The following ARHGAP28 variants were observed in gnomAD, a reference collection of about 807,000 sequenced individuals.
The protein encoded by ARHGAP28 is rho GTPase-activating protein 28.
ARHGAP28 carries 56 observed loss-of-function variants against 90.7 expected under a neutral mutation model. The ratio of observed to expected loss-of-function variants is 0.62; its 90% CI spans 0.50 to 0.77. The LOEUF (loss-of-function observed/expected upper bound fraction) is 0.77, where lower values mean the gene tolerates loss of function less well. Among genes scored for constraint, ARHGAP28 ranks in the 30% least tolerant of loss-of-function variants. The pLI is 0.00. For synonymous variants in ARHGAP28, 308 were observed against 323.3 expected (o/e 0.95, Z 0.51); for missense variants, 869 against 900.9 (o/e 0.96, Z 0.45).
chr18:6,776,283 T>C (rs765453869), intron 1 of ARHGAP28, among the ~76,000 whole-genome samples: 2 of 152,228 alleles, frequency 1.3e-5, no homozygotes, highest in Admixed American at 6.5e-5. Context: ...AGTGCAGGAA[T>C]GTGTTTTAAT....
intron 3 of ARHGAP28, among the ~76,000 whole-genome samples, chr18:6,848,579 A>G (rs1050552215): frequency 6.6e-6 from 1 of 152,238 alleles, no homozygotes; most frequent in Non-Finnish European, 1.5e-5. Context: ...ATTCACAGTT[A>G]TCAGGTAAGG....
Position 6,868,091 on chromosome 18 carries a change from T to C in ARHGAP28, c.727-59T>C, listed in dbSNP as rs1344489456. 6 of 1,378,070 alleles carry C rather than the reference T, an allele frequency of 4.4e-6. 1 individual carries two copies. Among genetic ancestry groups the C allele is most frequent in the Non-Finnish European group, 6.2e-6 (6 of 967,928 alleles). 85.4% of individuals were successfully genotyped at this position (1,378,070 alleles called of 1,614,324 possible). A position where few individuals can be genotyped will look rare whatever the true frequency, so the allele number is the denominator to read the frequency against. On this transcript the variant is annotated intron_variant, in intron 5 of 17. Coordinates refer to ENST00000383472, the MANE Select transcript of ARHGAP28 (RefSeq NM_001366230.1). ...CTGCAGAACATAAGTCAGGCTGAAA[T>C]GTGAGGTGGACTGTATTTATGGTAA...
At chr18:6,749,497 G>A (rs117149178) in intron 1 of ARHGAP28, among the ~76,000 whole-genome samples, 3,968 of 152,224 alleles carry the variant, frequency 0.026, 88 homozygotes, top group Non-Finnish European at 0.036. Context: ...AATGAAGAAG[G>A]TGAGATGTTA....
In ARHGAP28 at chr18:6,811,910, C is replaced by T. The variant is rs569795451; in HGVS notation, c.123-12852C>T. Among the ~76,000 whole-genome samples the T allele has an allele frequency of 2.0e-5, 3 of 152,216 alleles. No homozygotes were observed. In the South Asian group the frequency reaches 6.2e-4, roughly 32 times the overall value. On this transcript the variant is annotated intron_variant, in intron 1 of 17. Coordinates refer to ENST00000383472, the MANE Select transcript of ARHGAP28 (RefSeq NM_001366230.1). Reference sequence around the variant, plus strand: ...CAATTAATAAAACTTTTTTTCTCAACTATATGATTCCAAAAGTTTGGCTGG... The same window carrying T: ...CAATTAATAAAACTTTTTTTCTCAATTATATGATTCCAAAAGTTTGGCTGG...
chr18:6,882,003 A>AT (rs1193124328), intron 10 of ARHGAP28, 134 bp from the exon 11 acceptor site: 2 of 729,720 alleles, frequency 2.7e-6, no homozygotes, highest in Non-Finnish European at 4.2e-6. Context: ...ATGTTGAAAA[A>AT]AAATTACTCT....
In ARHGAP28 at chr18:6,877,452, C is replaced by G. The variant is rs150788330; in HGVS notation, c.1290+1244C>G. Among the ~76,000 whole-genome samples the G allele has an allele frequency of 3.6e-3, 544 of 152,320 alleles. 5 individuals carry two copies. The highest frequency in any genetic ancestry group is 0.012 in the African/African-American group (507 of 41,586). ...TACCCATGCCTCACCCCGTCGTGGGCTGGGGCTTCCTGCAGAAAATATGGC... is the reference window on the plus strand; with the variant it reads ...TACCCATGCCTCACCCCGTCGTGGGGTGGGGCTTCCTGCAGAAAATATGGC... On this transcript the variant is annotated intron_variant, in intron 10 of 17. Transcript: ENST00000383472.
intron 14 of ARHGAP28, among the ~76,000 whole-genome samples, chr18:6,893,860 C>T (rs1390888800): frequency 1.6e-5 from 2 of 122,944 alleles, no homozygotes; most frequent in African/African-American, 3.0e-5. Context: ...TACTATATTG[C>T]TTTTTGGTTT....
chr18:6,838,880 A>G (rs1327798248), intron 3 of ARHGAP28, among the ~76,000 whole-genome samples: 1 of 152,226 alleles, frequency 6.6e-6, no homozygotes, highest in East Asian at 1.9e-4. Context: ...GACATTAGCT[A>G]CAGGTGTCCT....
intron 1 of ARHGAP28, among the ~76,000 whole-genome samples, chr18:6,779,413 C>T (rs984247976): frequency 6.6e-6 from 1 of 152,208 alleles, no homozygotes; most frequent in Non-Finnish European, 1.5e-5. Flanking sequence ...GAACTGCATA[C>T]ATTTATCACA....
intron 2 of ARHGAP28, 89 bp downstream of exon 2, chr18:6,825,053 C>A: frequency 8.5e-7 from 1 of 1,170,102 alleles, no homozygotes; most frequent in Non-Finnish European, 1.2e-6. Context: ...ATCATCCCAC[C>A]AATAGTTTAA....
intron 9 of ARHGAP28, among the ~76,000 whole-genome samples, chr18:6,875,766 A>G (rs1044427965): frequency 2.0e-5 from 3 of 152,252 alleles, no homozygotes; most frequent in Admixed American, 1.3e-4. Context: ...CAATGACAGT[A>G]GATTTAGAAT....
intron 3 of ARHGAP28, among the ~76,000 whole-genome samples, chr18:6,839,508 A>G (rs1386541794): frequency 3.3e-5 from 5 of 152,130 alleles, no homozygotes; most frequent in Admixed American, 6.5e-5. Flanking sequence ...CCTGTTAGCC[A>G]GGATGGTCTC....
chr18:6,907,931 C>T (rs912534848), intron 16 of ARHGAP28, among the ~76,000 whole-genome samples: 4 of 152,140 alleles, frequency 2.6e-5, no homozygotes, highest in African/African-American at 9.7e-5. Context: ...ACACTTGCAT[C>T]TTCCTCACAG....
In ARHGAP28 at chr18:6,860,030, C is replaced by T. The variant is rs113388123; in HGVS notation, c.726+133C>T. 1.5e-4 allele frequency: 115 copies of T among 741,976 alleles called. No homozygotes were observed. The African/African-American group carries it at 1.8e-3, about 12-fold the overall frequency. The allele number at this position is 741,976 out of a possible 1,614,324, so 46.0% of individuals were successfully genotyped here. On this transcript the variant is annotated intron_variant, in intron 5 of 17. Coordinates refer to ENST00000383472, the MANE Select transcript of ARHGAP28 (RefSeq NM_001366230.1). ...TTGAGCTAAGATTGCAAGGAAACCA[C>T]AGCTGCTGGTAGAACTACTAACTTT...
intron 2 of ARHGAP28, 130 bp from the exon 3 acceptor site, chr18:6,837,064 TGTA>T (rs1311943029): frequency 1.5e-6 from 1 of 673,488 alleles, no homozygotes; most frequent in East Asian, 2.7e-5. Flanking sequence ...CATTCATTCT[TGTA>T]GTTCTTTCCC....
chr18:6,841,223 C>A (rs1404561226), intron 3 of ARHGAP28, among the ~76,000 whole-genome samples: 2 of 131,124 alleles, frequency 1.5e-5, no homozygotes, highest in Admixed American at 1.6e-4. Context: ...CTCTCTCTCT[C>A]CCCCCAACCC....
At chr18:6,827,164 G>T (rs779083967) in intron 2 of ARHGAP28, among the ~76,000 whole-genome samples, 1 of 152,136 alleles carries the variant, frequency 6.6e-6, no homozygotes, top group African/African-American at 2.4e-5. Context: ...CCACAAAACC[G>T]CCATTGTCAT....
chr18:6,873,739 A>G lies in ARHGAP28; in HGVS notation c.1176A>G (p.Lys392=), dbSNP rs1329308509. The G allele has an allele frequency of 2.5e-6, 4 of 1,614,024 alleles. No homozygotes were observed. Among genetic ancestry groups the G allele is most frequent in the Non-Finnish European group, 3.4e-6 (4 of 1,180,016 alleles). ...LTVLLDGDRK[K]DPGVKVPLVL... ...TCCTCCTGGACGGTGACCGAAAGAA[A>G]GACCCTGGAGTGAAAGTTCCCCTGG... Residue 392 remains lysine (K), a synonymous_variant, in exon 9 of 18, where the codon AAA becomes AAG. Coordinates refer to ENST00000383472, the MANE Select transcript of ARHGAP28 (RefSeq NM_001366230.1).
chr18:6,878,848 A>G (rs1451950968), intron 10 of ARHGAP28, among the ~76,000 whole-genome samples: 4 of 152,232 alleles, frequency 2.6e-5, no homozygotes, highest in African/African-American at 9.6e-5. Context: ...TGATGCATTA[A>G]AGGGTTCTTT....
Sources: allele counts gnomAD v4.1 joint callset (sites outside exome capture counted in the v4.1 genomes callset), GRCh38; gene constraint gnomAD v4.1.1; transcripts MANE v1.5; gene names NCBI Gene and HGNC (gene_info 2026-07-23, HGNC 2026-07-21).